The following CLVS1 variants were observed in gnomAD, a reference collection of about 807,000 sequenced individuals.
The protein encoded by CLVS1 is clavesin 1, also known as clavesin-1.
In CLVS1, 10 loss-of-function variants were observed where a neutral mutation model predicts 33.1. The observed-to-expected ratio is 0.30, with a 90% CI of 0.19 to 0.51. CLVS1 has a LOEUF of 0.51. Ranked by LOEUF, CLVS1 falls within the 20% of genes least tolerant of loss-of-function variation. The probability of loss-of-function intolerance (pLI) is 0.97; values close to 1 mark genes in which losing one functional copy is unlikely to be tolerated. For synonymous variants in CLVS1, 163 were observed against 166.1 expected (o/e 0.98, Z 0.14); for missense variants, 343 against 433.4 (o/e 0.79, Z 1.85).
At chr8:61,272,664 C>T (rs981285301) in intron 2 of CLVS1, among the ~76,000 whole-genome samples, 124 of 152,276 alleles carry the variant, frequency 8.1e-4, no homozygotes, top group East Asian at 1.9e-3. Context: ...TTCACGTAGT[C>T]CCATATTTCT....
In CLVS1 at chr8:61,500,419, A is replaced by T. The variant is rs540892468; in HGVS notation, c.*877A>T. ...CAAACCATTTACCCTTGCCCCCACA[A>T]CCCTCCTGCAACCATTAAAGATGTG... On this transcript the variant is annotated 3_prime_UTR_variant, in exon 6 of 6. Transcript: ENST00000325897. The T allele has an allele frequency of 6.6e-6, 1 of 151,992 alleles. No individual in the cohort carries two copies. The highest frequency in any genetic ancestry group is 1.9e-4 in the East Asian group (1 of 5,170). 9.4% of individuals were successfully genotyped at this position (151,992 alleles called of 1,614,324 possible).
chr8:61,375,952 GC>G (rs1813622788), intron 2 of CLVS1, among the ~76,000 whole-genome samples: 1 of 152,176 alleles, frequency 6.6e-6, no homozygotes, highest in Admixed American at 6.5e-5. Context: ...ATTCAGGTCT[GC>G]CTGTTGTCAT....
At chr8:61,456,480 A>G (rs1013746170) in intron 4 of CLVS1, among the ~76,000 whole-genome samples, 2 of 152,210 alleles carry the variant, frequency 1.3e-5, no homozygotes, top group Non-Finnish European at 2.9e-5. Context: ...TACTTTCTGA[A>G]GTTCTCCAGT....
chr8:61,120,685 A>AG lies in CLVS1; in HGVS notation c.-242-11081dup, dbSNP rs755115489. On this transcript the variant is annotated intron_variant, in intron 1 of 2. Coordinates refer to the CLVS1 transcript ENST00000522621. ...GGGGTGCCTCCCAGTTAGGCTGCTC[A>AG]GGGGTCAGGGGTCAGGGACCCACTT... is the stretch of plus-strand genomic sequence containing the variant. Among the ~76,000 whole-genome samples the AG allele has an allele frequency of 1.8e-3, 234 of 130,152 alleles. 5 individuals carry two copies. Among genetic ancestry groups the AG allele is most frequent in the South Asian group, 2.5e-3 (9 of 3,570 alleles). 85.4% of individuals were successfully genotyped at this position (130,152 alleles called of 152,430 possible).
At chr8:61,342,468 C>G (rs554253179) in intron 2 of CLVS1, among the ~76,000 whole-genome samples, 42 of 152,204 alleles carry the variant, frequency 2.8e-4, no homozygotes, top group Non-Finnish European at 4.4e-4. Context: ...GCCTTGCTCT[C>G]TATCTTGCGC....
intron 1 of CLVS1, 56 bp from the exon 2 acceptor site, chr8:61,299,621 C>T: frequency 1.8e-6 from 1 of 546,434 alleles, no homozygotes; most frequent in Non-Finnish European, 3.2e-6. Context: ...TTAATTTGCC[C>T]AGACTTTCTT....
At chr8:61,210,905 G>A (rs1807957053) in intron 2 of CLVS1, among the ~76,000 whole-genome samples, 1 of 152,086 alleles carries the variant, frequency 6.6e-6, no homozygotes, top group Non-Finnish European at 1.5e-5. Context: ...CAAAGAAAGA[G>A]CCTGGAGGAA....
At chr8:61,212,271 C>G (rs576047958) in intron 2 of CLVS1, among the ~76,000 whole-genome samples, 19 of 152,300 alleles carry the variant, frequency 1.2e-4, no homozygotes, top group Middle Eastern at 3.4e-3. Context: ...AGTGTCTGAA[C>G]AGGGTTCAGA....
At chr8:61,398,283 G>A (rs541883776) in intron 3 of CLVS1, among the ~76,000 whole-genome samples, 1 of 150,584 alleles carries the variant, frequency 6.6e-6, no homozygotes, top group Non-Finnish European at 1.5e-5. Flanking sequence ...CCAGGTTCCA[G>A]CAAGCCTTCC....
chr8:61,282,041 CA>C (rs1342874064), intron 2 of CLVS1, among the ~76,000 whole-genome samples: 1 of 152,170 alleles, frequency 6.6e-6, no homozygotes, highest in African/African-American at 2.4e-5. Context: ...TCACCCTAGC[CA>C]CAACTAATTA....
At chr8:61,094,467 A>AT (rs559408387) in intron 1 of CLVS1, among the ~76,000 whole-genome samples, 13 of 152,238 alleles carry the variant, frequency 8.5e-5, no homozygotes, top group Admixed American at 3.3e-4. Context: ...GGCTATTAAT[A>AT]TTATCTTCTC....
chr8:61,453,996 G>T, intron 3 of CLVS1, 145 bp from the exon 4 acceptor site: 1 of 687,130 alleles, frequency 1.5e-6, no homozygotes, highest in East Asian at 2.5e-5. Flanking sequence ...TAGGAAGTGA[G>T]TGTGTTTTCT....
intron 1 of CLVS1, among the ~76,000 whole-genome samples, chr8:61,085,881 G>A (rs1308258225): frequency 1.3e-5 from 2 of 151,398 alleles, no homozygotes; most frequent in Admixed American, 6.6e-5. Flanking sequence ...AAAATTAGCC[G>A]GGTATGGTGG....
chr8:61,369,209 G>A (rs1479158496), intron 2 of CLVS1, among the ~76,000 whole-genome samples: 1 of 152,066 alleles, frequency 6.6e-6, no homozygotes, highest in African/African-American at 2.4e-5. Flanking sequence ...CAAGATTCAG[G>A]GTAGTAAATT....
At chr8:61,382,794 G>A (rs1813936757) in intron 3 of CLVS1, among the ~76,000 whole-genome samples, 1 of 152,162 alleles carries the variant, frequency 6.6e-6, no homozygotes, top group Non-Finnish European at 1.5e-5. Flanking sequence ...ACACTTTGGT[G>A]TGGGTGAGAG....
At chr8:60,965,634 G>A in the CLVS1 span, among the ~76,000 whole-genome samples, 1 of 152,176 alleles carries the variant, frequency 6.6e-6, no homozygotes, top group Non-Finnish European at 1.5e-5. Context: ...ACAGGAGGAT[G>A]CAGGCAGGAA....
At chr8:61,200,284 A>G (rs1807700954) in intron 2 of CLVS1, among the ~76,000 whole-genome samples, 1 of 151,722 alleles carries the variant, frequency 6.6e-6, no homozygotes, top group South Asian at 2.1e-4. Flanking sequence ...ATGCCGGCTA[A>G]TTTTTTTTGT....
intron 2 of CLVS1, among the ~76,000 whole-genome samples, chr8:61,260,110 G>T (rs983101460): frequency 1.3e-5 from 2 of 152,100 alleles, no homozygotes; most frequent in Non-Finnish European, 2.9e-5. Context: ...GTCATGTAAC[G>T]TAGGATGGCA....
At chr8:61,228,227 T>C (rs1808369524) in intron 2 of CLVS1, among the ~76,000 whole-genome samples, 1 of 152,196 alleles carries the variant, frequency 6.6e-6, no homozygotes, top group African/African-American at 2.4e-5. Flanking sequence ...TAGTAGACAA[T>C]ATGCTTTGAA....
Sources: gnomAD v4.1 joint callset for allele counts (sites outside exome capture counted in the v4.1 genomes callset) on GRCh38, gnomAD v4.1.1 for gene constraint, MANE v1.5 for transcripts, NCBI Gene and HGNC (gene_info 2026-07-23, HGNC 2026-07-21) for gene names.